GALNTL6: variants seen among roughly 807,000 people sequenced by gnomAD.
The protein encoded by GALNTL6 is polypeptide N-acetylgalactosaminyltransferase like 6, also known as polypeptide N-acetylgalactosaminyltransferase-like 6.
Under a neutral mutation model 73.7 loss-of-function variants are expected in GALNTL6, and 46 were observed. The observed-to-expected ratio is 0.62, with a 90% CI of 0.49 to 0.80. The LOEUF is 0.80. Among genes scored for constraint, GALNTL6 ranks in the 30% least tolerant of loss-of-function variants. GALNTL6 has a pLI of 0.00. For synonymous variants in GALNTL6, 259 were observed against 263.7 expected (o/e 0.98, Z 0.17); for missense variants, 604 against 755.0 (o/e 0.80, Z 2.34).
intron 2 of GALNTL6, among the ~76,000 whole-genome samples, chr4:171,987,837 G>A (rs538693755): frequency 2.0e-5 from 3 of 152,120 alleles, no homozygotes; most frequent in Non-Finnish European, 4.4e-5. Context: ...ATGGGGAAAT[G>A]GGGTGAATGT....
intron 4 of GALNTL6, among the ~76,000 whole-genome samples, chr4:172,329,475 C>T (rs546716694): frequency 6.6e-6 from 1 of 152,172 alleles, no homozygotes; most frequent in Non-Finnish European, 1.5e-5. Context: ...ACAGTGAAGG[C>T]TGCAAAAGAG....
chr4:172,336,279 T>TC (rs1266426780), intron 4 of GALNTL6, among the ~76,000 whole-genome samples: 1 of 137,526 alleles, frequency 7.3e-6, no homozygotes, highest in Non-Finnish European at 1.6e-5. Flanking sequence ...TGTTTTGTTT[T>TC]TTTTTTTTTT....
intron 2 of GALNTL6, among the ~76,000 whole-genome samples, chr4:171,832,747 G>A (rs534130738): frequency 6.6e-6 from 1 of 151,650 alleles, no homozygotes; most frequent in Non-Finnish European, 1.5e-5. Flanking sequence ...TAATAAGATT[G>A]ATTTTTATTA....
intron 2 of GALNTL6, among the ~76,000 whole-genome samples, chr4:171,868,711 C>G (rs914207423): frequency 1.3e-5 from 2 of 151,824 alleles, no homozygotes; most frequent in Non-Finnish European, 2.9e-5. Flanking sequence ...AGACGGAGTC[C>G]TGCTCTGTCA....
At chr4:172,780,893 G>A (rs11132970) in intron 5 of GALNTL6, among the ~76,000 whole-genome samples, 79,631 of 152,036 alleles carry the variant, frequency 0.52, 21,618 homozygotes, top group East Asian at 0.78. Flanking sequence ...GAGCTACAAT[G>A]CTGCTCACAC....
intron 2 of GALNTL6, among the ~76,000 whole-genome samples, chr4:171,956,748 T>A (rs1464248803): frequency 6.6e-6 from 1 of 152,264 alleles, no homozygotes; most frequent in Non-Finnish European, 1.5e-5. Context: ...CCAAACTTTC[T>A]ACTTTAGACC....
chr4:172,787,867 A>G (rs1343295946), intron 5 of GALNTL6, among the ~76,000 whole-genome samples: 1 of 152,244 alleles, frequency 6.6e-6, no homozygotes, highest in African/African-American at 2.4e-5. Context: ...CAGCAATTTC[A>G]AAACAGAAGT....
intron 5 of GALNTL6, among the ~76,000 whole-genome samples, chr4:172,354,135 T>C (rs1323519044): frequency 6.6e-6 from 1 of 152,082 alleles, no homozygotes; most frequent in Admixed American, 6.6e-5. Flanking sequence ...TCGACAAAAA[T>C]GTTTTAGTGC....
intron 3 of GALNTL6, among the ~76,000 whole-genome samples, chr4:172,305,994 A>G (rs2654776): frequency 0.83 from 126,155 of 152,148 alleles, 52,550 homozygotes; most frequent in Non-Finnish European, 0.87. Flanking sequence ...TAGAAGTGAC[A>G]GAATCTAAAG....
intron 3 of GALNTL6, among the ~76,000 whole-genome samples, chr4:172,300,755 G>A (rs1252520606): frequency 6.6e-6 from 1 of 152,060 alleles, no homozygotes; most frequent in African/African-American, 2.4e-5. Flanking sequence ...AGTCTGATGG[G>A]CTTCCCTTGT....
At chr4:171,853,190 C>T (rs1191055091) in intron 2 of GALNTL6, among the ~76,000 whole-genome samples, 1 of 151,924 alleles carries the variant, frequency 6.6e-6, no homozygotes, top group East Asian at 1.9e-4. Context: ...GGGTACTCTT[C>T]TCTGTCTCTC....
chr4:172,116,186 G>T (rs1402261767), intron 2 of GALNTL6, among the ~76,000 whole-genome samples: 1 of 151,864 alleles, frequency 6.6e-6, no homozygotes. Flanking sequence ...AGTATATTCC[G>T]TGAATTTTTA....
intron 2 of GALNTL6, among the ~76,000 whole-genome samples, chr4:171,975,250 T>C (rs1739686359): frequency 6.6e-6 from 1 of 152,146 alleles, no homozygotes; most frequent in Non-Finnish European, 1.5e-5. Flanking sequence ...CTTTAGTAGA[T>C]ATATTTGAAA....
At chr4:172,206,053 AAT>A (rs199997288) in intron 2 of GALNTL6, among the ~76,000 whole-genome samples, 1 of 152,102 alleles carries the variant, frequency 6.6e-6, no homozygotes, top group African/African-American at 2.4e-5. Flanking sequence ...TATTTATATA[AAT>A]ATATATATGT....
At chr4:173,037,677 A>G (rs1457808000) in intron 12 of GALNTL6, among the ~76,000 whole-genome samples, 4 of 152,092 alleles carry the variant, frequency 2.6e-5, no homozygotes, top group Admixed American at 1.3e-4. Flanking sequence ...TCCTTTTCTC[A>G]TTTCTTAACT....
intron 8 of GALNTL6, among the ~76,000 whole-genome samples, chr4:172,930,474 A>T (rs1390091283): frequency 1.3e-5 from 2 of 152,210 alleles, no homozygotes; most frequent in African/African-American, 2.4e-5. Context: ...CACTTTTTAT[A>T]TGTTAAATTT....
At position 173,022,082 on chromosome 4, in the gene GALNTL6, GGAAGGAAA is replaced by G. The variant is rs1195966565; in HGVS notation, c.1638+465_1638+472del. ...AGGAAGGAAGGAAGGAAGGAAGGAAGGAAGGAAAGAAGGAAGGAAGGAAGGAAAGAAGG... is the reference window on the plus strand; with the variant it reads ...AGGAAGGAAGGAAGGAAGGAAGGAAGGAAGGAAGGAAGGAAGGAAAGAAGG... On this transcript the variant is annotated intron_variant, in intron 12 of 12. Coordinates refer to ENST00000506823, the MANE Select transcript of GALNTL6 (RefSeq NM_001034845.3). Among the ~76,000 whole-genome samples, 179 of 87,696 alleles carry G rather than the reference GGAAGGAAA, an allele frequency of 2.0e-3. 1 individual carries two copies. The highest frequency in any genetic ancestry group is 7.1e-3 in the African/African-American group (162 of 22,886). 57.5% of individuals were successfully genotyped at this position (87,696 alleles called of 152,430 possible). A position where few individuals can be genotyped will look rare whatever the true frequency, so the allele number is the denominator to read the frequency against.
intron 2 of GALNTL6, among the ~76,000 whole-genome samples, chr4:171,908,034 TAAAAACCCTAGAAG>T: frequency 6.6e-6 from 1 of 152,090 alleles, no homozygotes; most frequent in East Asian, 1.9e-4. Context: ...CCTAAAACCA[TAAAAACCCTAGAAG>T]AAAACCTAGG....
At chr4:172,376,196 G>A (rs911584651) in intron 5 of GALNTL6, among the ~76,000 whole-genome samples, 19 of 152,134 alleles carry the variant, frequency 1.2e-4, no homozygotes, top group Non-Finnish European at 2.2e-4. Context: ...CATTCTTACA[G>A]GAGAAAATAG....
Sources: allele counts gnomAD v4.1 joint callset (sites outside exome capture counted in the v4.1 genomes callset), GRCh38; gene constraint gnomAD v4.1.1; transcripts MANE v1.5; gene names NCBI Gene and HGNC (gene_info 2026-07-23, HGNC 2026-07-21).